Variants in PACRG observed in about 807,000 individuals in gnomAD.
PACRG encodes parkin coregulated.
A neutral mutation model predicts 29.7 loss-of-function variants in PACRG; 29 were observed. The observed-to-expected ratio is 0.98, with a 90% confidence interval of 0.73 to 1.33. PACRG has a LOEUF of 1.33. Among genes scored for constraint, PACRG ranks in the 40% most tolerant of loss-of-function variants. The pLI, the probability that PACRG is intolerant of heterozygous loss-of-function variation, is 0.00. For synonymous variants in PACRG, 116 were observed against 118.7 expected (o/e 0.98, Z 0.15); for missense variants, 279 against 316.2 (o/e 0.88, Z 0.89).
At chr6:163,110,600 G>A (rs1318030343) in intron 4 of PACRG, among the ~76,000 whole-genome samples, 1 of 152,182 alleles carries the variant, frequency 6.6e-6, no homozygotes, top group Non-Finnish European at 1.5e-5. Flanking sequence ...TGGTCACATT[G>A]CTGTCTTCAC....
At chr6:163,268,305 G>A (rs1247089118) in intron 4 of PACRG, among the ~76,000 whole-genome samples, 1 of 151,872 alleles carries the variant, frequency 6.6e-6, no homozygotes, top group African/African-American at 2.4e-5. Flanking sequence ...GGGAGGCTGA[G>A]GCAAGAGAAT....
intron 2 of PACRG, 149 bp downstream of exon 2, chr6:162,814,430 T>G: frequency 1.1e-6 from 1 of 929,138 alleles, no homozygotes. Flanking sequence ...AAAGCCCCCC[T>G]GTGTCAGCCA....
At chr6:162,746,746 A>T (rs1402240994) in intron 1 of PACRG, among the ~76,000 whole-genome samples, 1 of 152,140 alleles carries the variant, frequency 6.6e-6, no homozygotes, top group Non-Finnish European at 1.5e-5. Context: ...TGGATTTTTT[A>T]ATTCTAGCTT....
chr6:162,829,160 AAAAC>A (rs1788531075), intron 2 of PACRG, among the ~76,000 whole-genome samples: 1 of 152,228 alleles, frequency 6.6e-6, no homozygotes, highest in South Asian at 2.1e-4. Context: ...CAGATTTAGA[AAAAC>A]AAACAGGAAA....
Position 163,074,030 on chromosome 6 carries a change from A to G in PACRG, c.463+11709A>G, listed in dbSNP as rs138808513. Among the ~76,000 whole-genome samples the G allele has an allele frequency of 4.8e-3, 731 of 152,318 alleles. 5 individuals are homozygous for G. Among genetic ancestry groups the G allele is most frequent in the African/African-American group, 0.017 (693 of 41,586 alleles). On this transcript the variant is annotated intron_variant, in intron 3 of 4. Transcript: ENST00000366888. ...CAATTTGGAGGTTCCTCAAAAAACT[A>G]AAAGAGAGCTGCCATGCAATCCAGC...
intron 2 of PACRG, among the ~76,000 whole-genome samples, chr6:163,047,850 TTC>T (rs1210350486): frequency 2.0e-5 from 3 of 152,220 alleles, no homozygotes; most frequent in African/African-American, 7.2e-5. Context: ...AAAAAATTAT[TTC>T]TGTCTTCCGT....
At chr6:162,752,560 T>C (rs1781589823) in intron 1 of PACRG, among the ~76,000 whole-genome samples, 1 of 152,128 alleles carries the variant, frequency 6.6e-6, no homozygotes, top group Admixed American at 6.5e-5. Flanking sequence ...GCCCCACAAG[T>C]CTTGTCTTAG....
chr6:162,890,698 A>G (rs1423565400), intron 2 of PACRG, among the ~76,000 whole-genome samples: 1 of 152,198 alleles, frequency 6.6e-6, no homozygotes, highest in Non-Finnish European at 1.5e-5. Context: ...TAGGAACAGC[A>G]TGTGCCCCAC....
At chr6:162,760,251 G>A (rs968927189) in intron 1 of PACRG, among the ~76,000 whole-genome samples, 3 of 152,200 alleles carry the variant, frequency 2.0e-5, no homozygotes, top group African/African-American at 7.2e-5. Context: ...GGCACACACA[G>A]GAGTCCCTGG....
At chr6:163,208,195 C>T (rs995715792) in intron 4 of PACRG, among the ~76,000 whole-genome samples, 4 of 152,170 alleles carry the variant, frequency 2.6e-5, no homozygotes, top group Non-Finnish European at 4.4e-5. Flanking sequence ...ATTATTTTTG[C>T]TTTATTTACT....
At chr6:163,179,606 C>T (rs1022863953) in intron 4 of PACRG, among the ~76,000 whole-genome samples, 15 of 151,048 alleles carry the variant, frequency 9.9e-5, no homozygotes, top group South Asian at 4.2e-4. Flanking sequence ...CTCGGGAGGC[C>T]GAGATGGGAG....
At chr6:162,958,735 C>CATGTGT (rs1554316880) in intron 2 of PACRG, among the ~76,000 whole-genome samples, 2 of 144,760 alleles carry the variant, frequency 1.4e-5, no homozygotes, top group Admixed American at 7.0e-5. Flanking sequence ...TACACATATG[C>CATGTGT]GTGTGTGTGT....
chr6:163,206,817 A>G (rs1489660784), intron 4 of PACRG, among the ~76,000 whole-genome samples: 1 of 111,442 alleles, frequency 9.0e-6, no homozygotes, highest in Non-Finnish European at 1.8e-5. Flanking sequence ...AAGTAATCTC[A>G]AATCCAGATC....
chr6:163,268,820 C>T (rs1452758167), intron 4 of PACRG, among the ~76,000 whole-genome samples: 2 of 152,318 alleles, frequency 1.3e-5, no homozygotes, highest in African/African-American at 4.8e-5. Flanking sequence ...CTCCCCGTAG[C>T]TTCCTTCTTG....
chr6:163,040,917 T>G (rs963300499), intron 2 of PACRG, among the ~76,000 whole-genome samples: 12 of 152,200 alleles, frequency 7.9e-5, no homozygotes, highest in Non-Finnish European at 2.9e-5. Flanking sequence ...AGTTAAGACT[T>G]TAGGGGACTG....
At chr6:163,168,402 G>C (rs1408431357) in intron 4 of PACRG, among the ~76,000 whole-genome samples, 2 of 152,200 alleles carry the variant, frequency 1.3e-5, no homozygotes, top group Non-Finnish European at 2.9e-5. Flanking sequence ...CCTGGGGCCG[G>C]GGTTGCGGGT....
intron 4 of PACRG, among the ~76,000 whole-genome samples, chr6:163,163,666 T>TCTAA (rs147780043): frequency 0.059 from 8,937 of 152,296 alleles, 363 homozygotes; most frequent in Admixed American, 0.11. Context: ...TATTCTTGTA[T>TCTAA]CTGTGTTATT....
intron 2 of PACRG, among the ~76,000 whole-genome samples, chr6:163,004,735 TATAC>T (rs759154049): frequency 7.2e-6 from 1 of 138,002 alleles, no homozygotes; most frequent in Non-Finnish European, 1.5e-5. Context: ...TGTATATATA[TATAC>T]ACACACACAC....
At chr6:162,760,933 GATGTGGAA>G (rs1782306869) in intron 1 of PACRG, among the ~76,000 whole-genome samples, 1 of 152,192 alleles carries the variant, frequency 6.6e-6, no homozygotes, top group Admixed American at 6.5e-5. Context: ...TCATAGTGGA[GATGTGGAA>G]ATGTGAATAA....
Sources: gnomAD v4.1 joint callset for allele counts (sites outside exome capture counted in the v4.1 genomes callset) on GRCh38, gnomAD v4.1.1 for gene constraint, MANE v1.5 for transcripts, NCBI Gene and HGNC (gene_info 2026-07-23, HGNC 2026-07-21) for gene names.